The following PJA2 variants were observed in gnomAD, a reference collection of about 807,000 sequenced individuals.
PJA2 encodes E3 ubiquitin-protein ligase Praja-2.
In PJA2, 25 loss-of-function variants were observed where a neutral mutation model predicts 69.3. The ratio of observed to expected loss-of-function variants is 0.36; its 90% CI spans 0.26 to 0.50. The LOEUF (loss-of-function observed/expected upper bound fraction) is 0.50. Among genes scored for constraint, PJA2 ranks in the 20% least tolerant of loss-of-function variants. The pLI, the probability that PJA2 is intolerant of heterozygous loss-of-function variation, is 0.96. For synonymous variants in PJA2, 308 were observed against 277.8 expected (o/e 1.11, Z -1.08); for missense variants, 809 against 830.2 (o/e 0.97, Z 0.31).
intron 1 of PJA2, among the ~76,000 whole-genome samples, chr5:109,394,510 T>C (rs1484854644): frequency 1.3e-5 from 2 of 152,234 alleles, no homozygotes; most frequent in African/African-American, 4.8e-5. Flanking sequence ...TTTGGGTCTG[T>C]GAGTGATTTT....
intron 4 of PJA2, among the ~76,000 whole-genome samples, chr5:109,375,307 C>T (rs1746836498): frequency 6.6e-6 from 1 of 151,998 alleles, no homozygotes; most frequent in African/African-American, 2.4e-5. Flanking sequence ...GTCACAGGTT[C>T]AAGACCAGCA....
chr5:109,356,593 A>G (rs1173888146), intron 6 of PJA2, among the ~76,000 whole-genome samples: 1 of 152,120 alleles, frequency 6.6e-6, no homozygotes, highest in Non-Finnish European at 1.5e-5. Context: ...TATTTCCCAC[A>G]TATTTCTCCT....
chr5:109,406,170 A>G (rs1747688735), intron 1 of PJA2, among the ~76,000 whole-genome samples: 1 of 151,694 alleles, frequency 6.6e-6, no homozygotes, highest in Non-Finnish European at 1.5e-5. Flanking sequence ...CAGCCGGAGT[A>G]GCTGGCACTA....
chr5:109,374,794 G>A (rs1357899305), intron 4 of PJA2, among the ~76,000 whole-genome samples: 1 of 152,190 alleles, frequency 6.6e-6, no homozygotes, highest in African/African-American at 2.4e-5. Context: ...GACAGTAGAT[G>A]GCATGCCTCT....
intron 1 of PJA2, among the ~76,000 whole-genome samples, chr5:109,405,849 A>C (rs1261614594): frequency 6.6e-6 from 1 of 152,194 alleles, no homozygotes; most frequent in African/African-American, 2.4e-5. Context: ...AGAACACAGA[A>C]GCACAAATCA....
At position 109,381,510 on chromosome 5, in the gene PJA2, A is replaced by G. The variant is rs750974845; in HGVS notation, c.225T>C (p.Asn75=). 2 of 1,613,840 alleles carry G rather than the reference A, an allele frequency of 1.2e-6. No homozygotes were observed. Among genetic ancestry groups the G allele is most frequent in the Middle Eastern group, 1.7e-4 (1 of 6,048 alleles). Residue 75 remains asparagine, a synonymous_variant, in exon 3 of 10, where the codon AAT becomes AAC. Coordinates refer to ENST00000361189, the MANE Select transcript of PJA2 (RefSeq NM_014819.5). Reference sequence around the variant, plus strand: ...TAATTAAATGTTACACACCTGAGGAATTTTCCTTTGGAACATCATCTAGTT... The same window carrying G: ...TAATTAAATGTTACACACCTGAGGAGTTTTCCTTTGGAACATCATCTAGTT... ...VLELDDVPKE[N]SSGSSPLDQV...
intron 7 of PJA2, among the ~76,000 whole-genome samples, chr5:109,346,165 C>T (rs1762170025): frequency 6.6e-6 from 1 of 152,138 alleles, no homozygotes; most frequent in Non-Finnish European, 1.5e-5. Flanking sequence ...TGGTATTACA[C>T]CGTTTAATTA....
intron 4 of PJA2, among the ~76,000 whole-genome samples, chr5:109,371,576 T>G (rs183286978): frequency 6.6e-6 from 1 of 152,210 alleles, no homozygotes; most frequent in Non-Finnish European, 1.5e-5. Flanking sequence ...TAGACCTATA[T>G]AGTCAATTAT....
rs1561350052 is a variant in PJA2, at chr5:109,363,021, C to G, written c.1471G>C (p.Glu491Gln). Residue 491 changes from glutamate to glutamine, a missense_variant and splice_region_variant, in exon 6 of 10, where the codon GAA becomes CAA. This residue lies in a region of PJA2 where 700 missense variants were observed against 639.5 expected (regional missense o/e 1.09). Transcript: ENST00000361189. Reference sequence around the variant, plus strand: ...TCTCCCTCTTCCAAGGATGTCTGTTCCCTAGTACAAACATTTTAAAGGAAG... The same window carrying G: ...TCTCCCTCTTCCAAGGATGTCTGTTGCCTAGTACAAACATTTTAAAGGAAG... ...ENQELSLQEG[E>Q]QTSLEEGEIP... 6.3e-7 allele frequency: 1 copy of G among 1,576,402 alleles called. No homozygotes were observed.
chr5:109,389,185 ATCT>A (rs1288262879), intron 1 of PJA2, among the ~76,000 whole-genome samples: 1 of 152,148 alleles, frequency 6.6e-6, no homozygotes, highest in African/African-American at 2.4e-5. Context: ...AAATCTTTCT[ATCT>A]TCTTCTTGTT....
At chr5:109,372,459 A>T (rs1208868677) in intron 4 of PJA2, among the ~76,000 whole-genome samples, 4 of 152,224 alleles carry the variant, frequency 2.6e-5, no homozygotes, top group African/African-American at 9.6e-5. Flanking sequence ...TTATTTCATG[A>T]ACTAGACTTC....
chr5:109,366,398 GCTT>G (rs1342716633), intron 5 of PJA2, among the ~76,000 whole-genome samples: 3 of 152,152 alleles, frequency 2.0e-5, no homozygotes, highest in Non-Finnish European at 4.4e-5. Context: ...GAAAAACTGG[GCTT>G]CTTAAATTAC....
intron 1 of PJA2, among the ~76,000 whole-genome samples, chr5:109,397,500 A>G (rs1747440739): frequency 6.6e-6 from 1 of 151,874 alleles, no homozygotes; most frequent in South Asian, 2.1e-4. Flanking sequence ...CTAGTAGAAA[A>G]AAAAAAAGCA....
In PJA2 at chr5:109,391,012, A is replaced by C. The variant is rs540021580; in HGVS notation, c.-87-7492T>G. 7.0e-4 allele frequency among the ~76,000 whole-genome samples: 106 copies of C among 152,272 alleles called. 1 individual carries two copies. The highest frequency in any genetic ancestry group is 2.5e-3 in the African/African-American group (106 of 41,582). On this transcript the variant is annotated intron_variant, in intron 1 of 9. Transcript: ENST00000361189. ...AAACTACAGATGCTCCTGGACTTAAAATGGGGTTACGCCCTGACAAATCCA... is the reference window on the plus strand; with the variant it reads ...AAACTACAGATGCTCCTGGACTTAACATGGGGTTACGCCCTGACAAATCCA...
chr5:109,375,156 C>T (rs1450089351), intron 4 of PJA2, among the ~76,000 whole-genome samples: 3 of 152,194 alleles, frequency 2.0e-5, no homozygotes, highest in Non-Finnish European at 4.4e-5. Context: ...CATTAAAATA[C>T]TTTTCTACTT....
At chr5:109,355,069 A>G (rs1762390886) in intron 7 of PJA2, among the ~76,000 whole-genome samples, 1 of 152,156 alleles carries the variant, frequency 6.6e-6, no homozygotes, top group Admixed American at 6.6e-5. Context: ...GGCTGTAGTA[A>G]GCTATGACTG....
intron 7 of PJA2, among the ~76,000 whole-genome samples, chr5:109,347,966 G>A (rs1278429798): frequency 6.6e-6 from 1 of 152,196 alleles, no homozygotes; most frequent in African/African-American, 2.4e-5. Flanking sequence ...CCGGGACACA[G>A]AACTGGCAAG....
intron 1 of PJA2, among the ~76,000 whole-genome samples, chr5:109,388,460 T>C (rs547144880): frequency 6.6e-6 from 1 of 152,340 alleles, no homozygotes. Flanking sequence ...TGAGTTGCTA[T>C]GTCCACTGCA....
intron 6 of PJA2, among the ~76,000 whole-genome samples, chr5:109,357,539 T>C (rs1458353329): frequency 6.6e-6 from 1 of 152,176 alleles, no homozygotes; most frequent in Non-Finnish European, 1.5e-5. Flanking sequence ...CATCTAGCAG[T>C]AAGATGTAGT....
Sources: gnomAD v4.1 joint callset for allele counts (sites outside exome capture counted in the v4.1 genomes callset) on GRCh38, gnomAD v4.1.1 for gene constraint, gnomAD v4.1.1 regional missense constraint, MANE v1.5 for transcripts, NCBI Gene and HGNC (gene_info 2026-07-23, HGNC 2026-07-21) for gene names.